USP22: variants seen among roughly 807,000 people sequenced by gnomAD.
The protein encoded by USP22 is ubiquitin specific peptidase 22.
In USP22, 22 loss-of-function variants were observed where a neutral mutation model predicts 68.1. The ratio of observed to expected loss-of-function variants is 0.32; its 90% CI spans 0.23 to 0.46. The LOEUF (loss-of-function observed/expected upper bound fraction) is 0.46, where lower values mean the gene tolerates loss of function less well. USP22 is among the 20% of genes least tolerant of loss of function. USP22 has a pLI of 1.00. For missense variants in USP22, 433 were observed against 695.8 expected (o/e 0.62, Z 4.25); for synonymous variants, 279 against 274.2 (o/e 1.02, Z -0.17).
intron 3 of USP22, among the ~76,000 whole-genome samples, chr17:21,019,691 T>C (rs576981901): frequency 4.6e-5 from 7 of 152,348 alleles, no homozygotes; most frequent in Admixed American, 2.6e-4. Context: ...TAAATGCTAA[T>C]TGGCATAGTA....
chr17:21,007,119 ACAT>A, intron 9 of USP22, 132 bp from the exon 10 acceptor site: 1 of 720,618 alleles, frequency 1.4e-6, no homozygotes, highest in Non-Finnish European at 2.2e-6. Context: ...CCTTGTAGCT[ACAT>A]CTAGAATTAC....
intron 1 of USP22, among the ~76,000 whole-genome samples, chr17:21,031,975 T>C (rs1260629859): frequency 6.6e-6 from 1 of 152,220 alleles, no homozygotes; most frequent in Non-Finnish European, 1.5e-5. Flanking sequence ...AAAACCTCAA[T>C]CTTATGTCTG....
chr17:21,029,432 AAATT>A (rs1567591897), intron 1 of USP22, among the ~76,000 whole-genome samples: 1 of 152,274 alleles, frequency 6.6e-6, no homozygotes, highest in Non-Finnish European at 1.5e-5. Flanking sequence ...TTTAAAAAAG[AAATT>A]AATACTATAC....
At position 21,025,797 on chromosome 17, in the gene USP22, C is replaced by T. The variant is rs1972212381; in HGVS notation, c.304+2745G>A. Among the ~76,000 whole-genome samples, 5 of 152,208 alleles carry T rather than the reference C, an allele frequency of 3.3e-5. No homozygotes were observed. In the South Asian group the frequency reaches 1.0e-3, roughly 32 times the overall value. ...TATGAAATATCCAGGAAAGGAGAACCCACAGAGACAGAAGGTAGATTCAAG... is the reference window on the plus strand; with the variant it reads ...TATGAAATATCCAGGAAAGGAGAACTCACAGAGACAGAAGGTAGATTCAAG... On this transcript the variant is annotated intron_variant, in intron 2 of 12. Transcript: ENST00000261497.
chr17:21,004,776 G>C (rs1318724065), intron 11 of USP22, 152 bp downstream of exon 11: 1 of 86,664 alleles, frequency 1.2e-5, no homozygotes, highest in Non-Finnish European at 3.2e-5. Flanking sequence ...TCCTAGTGGA[G>C]CTGCGGGCAG....
In USP22 at chr17:20,999,926, C is replaced by G. The variant is rs1913502273; in HGVS notation, c.*3105G>C. The G allele has an allele frequency of 1.3e-5, 2 of 152,318 alleles. No individual in the cohort carries two copies. Among genetic ancestry groups the G allele is most frequent in the Non-Finnish European group, 2.9e-5 (2 of 68,146 alleles). The allele number at this position is 152,318 out of a possible 1,614,324, so 9.4% of individuals were successfully genotyped here. ...GAATGCCCAGGGAGGCTGCAGTGCTCACCACGAAGCCCAGGTCCACGGAGG... is the reference window on the plus strand; with the variant it reads ...GAATGCCCAGGGAGGCTGCAGTGCTGACCACGAAGCCCAGGTCCACGGAGG... On this transcript the variant is annotated 3_prime_UTR_variant, in exon 13 of 13. Coordinates refer to ENST00000261497, the MANE Select transcript of USP22 (RefSeq NM_015276.2).
chr17:21,015,351 TG>T (rs1914097765), intron 6 of USP22, among the ~76,000 whole-genome samples: 1 of 152,026 alleles, frequency 6.6e-6, no homozygotes, highest in African/African-American at 2.4e-5. Flanking sequence ...GAGTCCCCAA[TG>T]GGAAGGAGAC....
At chr17:21,034,061 C>G (rs1972325489) in intron 1 of USP22, among the ~76,000 whole-genome samples, 2 of 151,604 alleles carry the variant, frequency 1.3e-5, no homozygotes, top group African/African-American at 4.9e-5. Context: ...AATATTCTAT[C>G]CTTTATATGA....
chr17:21,027,308 A>AAAAAAAAAAAAAAAAAAAAAAC (rs1211048727), intron 2 of USP22, among the ~76,000 whole-genome samples: 1 of 144,480 alleles, frequency 6.9e-6, no homozygotes, highest in African/African-American at 2.5e-5. Context: ...AAAAAAAAAA[A>AAAAAAAAAAAAAAAAAAAAAAC]AATCAGACAC....
intron 6 of USP22, among the ~76,000 whole-genome samples, chr17:21,013,710 CCAGAGGGATCT>C (rs1177879155): frequency 2.6e-5 from 4 of 152,108 alleles, no homozygotes; most frequent in African/African-American, 7.2e-5. Flanking sequence ...AAAATGCTTC[CCAGAGGGATCT>C]CAAATTCATG....
Position 21,018,111 on chromosome 17 carries a change from C to G in USP22, c.521G>C (p.Gly174Ala). ...RRKITSNCTI[G>A]LRGLINLGNT... Reference sequence around the variant, plus strand: ...CCCAAGGTTGATCAGCCCACGCAGACCTGGACACAAATCACCAGAGAGCAG... The same window carrying G: ...CCCAAGGTTGATCAGCCCACGCAGAGCTGGACACAAATCACCAGAGAGCAG... Residue 174 changes from glycine to alanine, a missense_variant and splice_region_variant, in exon 5 of 13, where the codon GGT becomes GCT. Physicochemically the swap from Gly to Ala is moderately conservative, Grantham distance 60. This residue lies in a region of USP22 where 144 missense variants were observed against 237.2 expected (regional missense o/e 0.61). Transcript: ENST00000261497. 6.3e-7 allele frequency: 1 copy of G among 1,583,938 alleles called. No individual in the cohort carries two copies. Among genetic ancestry groups the G allele is most frequent in the Non-Finnish European group, 8.6e-7 (1 of 1,164,194 alleles).
At chr17:21,035,622 C>A (rs1249525159) in intron 1 of USP22, among the ~76,000 whole-genome samples, 1 of 151,880 alleles carries the variant, frequency 6.6e-6, no homozygotes, top group Non-Finnish European at 1.5e-5. Context: ...AGTTTTTCAA[C>A]AGATAAAGTA....
intron 6 of USP22, among the ~76,000 whole-genome samples, chr17:21,014,505 T>C (rs6587109): frequency 0.77 from 117,355 of 152,108 alleles, 45,613 homozygotes; most frequent in South Asian, 0.82. Context: ...AAGGATCACG[T>C]AGTTTTTCAG....
chr17:21,022,022 C>T (rs1972162541), intron 2 of USP22, among the ~76,000 whole-genome samples: 1 of 152,086 alleles, frequency 6.6e-6, no homozygotes, highest in Non-Finnish European at 1.5e-5. Flanking sequence ...ACAGCTGAAA[C>T]CTGGGAAGGG....
chr17:21,018,042 G>A lies in USP22; in HGVS notation c.590C>T (p.Thr197Met), dbSNP rs1326153412. 3.1e-6 allele frequency: 5 copies of A among 1,613,912 alleles called. No individual in the cohort carries two copies. Among genetic ancestry groups the A allele is most frequent in the Non-Finnish European group, 4.2e-6 (5 of 1,180,030 alleles). ...CAGGAAGAAGTCCCGCAGAAGTGGC[G>A]TGTGGGTCAGGGCCTGCACGATGCA... ...MNCIVQALTH[T>M]PLLRDFFLSD... The change falls in exon 5 of 13, where the codon ACG becomes ATG. Residue 197 changes from threonine (T) to methionine (M), a missense_variant. Coordinates refer to ENST00000261497, the MANE Select transcript of USP22 (RefSeq NM_015276.2).
At chr17:21,014,380 G>C (rs562532464) in intron 6 of USP22, among the ~76,000 whole-genome samples, 2 of 152,302 alleles carry the variant, frequency 1.3e-5, no homozygotes, top group East Asian at 3.9e-4. Context: ...GGTGCTTGGG[G>C]TAACAGCATA....
At chr17:21,040,539 AAC>A (rs200880513) in intron 1 of USP22, among the ~76,000 whole-genome samples, 2,612 of 152,334 alleles carry the variant, frequency 0.017, 61 homozygotes, top group African/African-American at 0.058. Flanking sequence ...CATGTGGCTC[AAC>A]AGTTTTGAAA....
Position 21,000,301 on chromosome 17 carries a change from G to GT in USP22, c.*2729dup, listed in dbSNP as rs2143484753. 6.6e-6 allele frequency: 1 copy of GT among 152,330 alleles called. No homozygotes were observed. The highest frequency in any genetic ancestry group is 1.5e-5 in the Non-Finnish European group (1 of 68,022). 9.4% of individuals were successfully genotyped at this position (152,330 alleles called of 1,614,324 possible). On this transcript the variant is annotated 3_prime_UTR_variant, in exon 13 of 13. Coordinates refer to ENST00000261497, the MANE Select transcript of USP22 (RefSeq NM_015276.2). ...CGCGTAAATATTTTGTTCTGACAAA[G>GT]TAAATTCACAAGAACACATCAAACA...
rs72838200 is a variant in USP22, at chr17:21,002,780, C to T, written c.*251G>A. On this transcript the variant is annotated 3_prime_UTR_variant, in exon 13 of 13. Coordinates refer to ENST00000261497, the MANE Select transcript of USP22 (RefSeq NM_015276.2). The stretch of plus-strand genomic sequence containing the variant: ...AAGAGATGTTCTGGTGACGGGTGTA[C>T]GCTGCTCCTCCCACCCAGAGCACAC... 1,888 of 472,166 alleles carry T rather than the reference C, an allele frequency of 4.0e-3. 6 individuals carry two copies. Among genetic ancestry groups the T allele is most frequent in the Non-Finnish European group, 6.4e-3 (1,618 of 254,314 alleles). The allele number at this position is 472,166 out of a possible 1,614,324, so 29.2% of individuals were successfully genotyped here.
Sources: allele counts gnomAD v4.1 joint callset (sites outside exome capture counted in the v4.1 genomes callset), GRCh38; gene constraint gnomAD v4.1.1; regional missense constraint gnomAD v4.1.1; transcripts MANE v1.5; gene names NCBI Gene and HGNC (gene_info 2026-07-23, HGNC 2026-07-21).